Variants in PCDHA4 observed in about 807,000 individuals in gnomAD.
The protein encoded by PCDHA4 is protocadherin alpha 4.
A neutral mutation model predicts 61.4 loss-of-function variants in PCDHA4; 49 were observed. That is an observed-to-expected ratio of 0.80 (90% CI 0.63 to 1.01). PCDHA4 has a LOEUF of 1.01. Among genes scored for constraint, PCDHA4 ranks in the 50% least tolerant of loss-of-function variants. The pLI is 0.00. For synonymous variants in PCDHA4, 590 were observed against 550.3 expected (o/e 1.07, Z -1.01); for missense variants, 1,254 against 1,235.8 (o/e 1.01, Z -0.22).
chr5:140,918,511 C>G (rs574083461), intron 1 of PCDHA4, among the ~76,000 whole-genome samples: 1 of 152,144 alleles, frequency 6.6e-6, no homozygotes, highest in African/African-American at 2.4e-5. Flanking sequence ...TCCTTTTAAA[C>G]TTATTGAGGA....
chr5:140,850,741 C>A, intron 1 of PCDHA4: 1 of 1,597,822 alleles, frequency 6.3e-7, no homozygotes, highest in Non-Finnish European at 8.6e-7. Context: ...GGGAGTTGGT[C>A]GTACTCGCAG....
Position 140,849,759 on chromosome 5 carries a change from G to A in PCDHA4, c.2385+40187G>A, listed in dbSNP as rs140660802. On this transcript the variant is annotated intron_variant, in intron 1 of 3. Coordinates refer to ENST00000530339, the MANE Select transcript of PCDHA4 (RefSeq NM_018907.4). Reference sequence around the variant, plus strand: ...GGACCGCGAGAGTGTGTCCGCCTACGAGCTGGTGGTTACCGCGCGGGACGG... The same window carrying A: ...GGACCGCGAGAGTGTGTCCGCCTACAAGCTGGTGGTTACCGCGCGGGACGG... The A allele has an allele frequency of 1.8e-5, 29 of 1,598,444 alleles. 5 individuals are homozygous for A. The Admixed American group carries it at 3.9e-4, about 21-fold the overall frequency.
rs2150153849 is a variant in PCDHA4 at position 140,828,310 on chromosome 5, C to T, written c.2385+18738C>T. Reference sequence around the variant, plus strand: ...GGATGGCCTCCAAAGACCGCGAGGACCTTCTGGAGGTAAATCTGCAGAATG... The same window carrying T: ...GGATGGCCTCCAAAGACCGCGAGGATCTTCTGGAGGTAAATCTGCAGAATG... On this transcript the variant is annotated intron_variant, in intron 1 of 3. Coordinates refer to ENST00000530339, the MANE Select transcript of PCDHA4 (RefSeq NM_018907.4). 5.1e-5 allele frequency: 82 copies of T among 1,614,174 alleles called. 1 individual carries two copies. The South Asian group carries it at 8.1e-4, about 16-fold the overall frequency.
chr5:140,850,629 G>C, intron 1 of PCDHA4: 1 of 1,598,736 alleles, frequency 6.3e-7, no homozygotes, highest in South Asian at 1.1e-5. Flanking sequence ...TAGCCTGTTG[G>C]TTCTCACGCT....
chr5:141,008,430 GC>G (rs1252417058), intron 3 of PCDHA4, among the ~76,000 whole-genome samples: 2 of 152,260 alleles, frequency 1.3e-5, no homozygotes, highest in African/African-American at 4.8e-5. Context: ...GGATCACTTT[GC>G]CCAGACAGAC....
At chr5:140,921,663 T>G (rs1427342485) in intron 1 of PCDHA4, among the ~76,000 whole-genome samples, 1 of 152,144 alleles carries the variant, frequency 6.6e-6, no homozygotes, top group Admixed American at 6.5e-5. Flanking sequence ...TAATAAAAAT[T>G]TAACAGTTAT....
intron 1 of PCDHA4, among the ~76,000 whole-genome samples, chr5:140,916,262 G>C (rs1379588605): frequency 6.6e-6 from 1 of 152,202 alleles, no homozygotes; most frequent in Non-Finnish European, 1.5e-5. Flanking sequence ...GACCCCAAGA[G>C]CATGCTTGTT....
chr5:140,946,807 A>G (rs1333101378), intron 1 of PCDHA4, among the ~76,000 whole-genome samples: 3 of 151,418 alleles, frequency 2.0e-5, no homozygotes, highest in Non-Finnish European at 4.4e-5. Context: ...CAGAGAGTAT[A>G]ACAGTGATTA....
At position 140,927,806 on chromosome 5, in the gene PCDHA4, T is replaced by C. The variant is rs1554205074; in HGVS notation, c.2386-51143T>C. 4 of 1,614,004 alleles carry C rather than the reference T, an allele frequency of 2.5e-6. No individual in the cohort carries two copies. In the African/African-American group the frequency reaches 5.3e-5, roughly 22 times the overall value. On this transcript the variant is annotated intron_variant, in intron 1 of 3. Transcript: ENST00000530339. ...GCTTCACTAGGTCCGCCTGAAACGC[T>C]CTTGGAGGCATACATTGAGGCGAGG...
At chr5:140,831,893 T>C (rs1326674462) in intron 1 of PCDHA4, among the ~76,000 whole-genome samples, 2 of 152,204 alleles carry the variant, frequency 1.3e-5, no homozygotes, top group African/African-American at 4.8e-5. Flanking sequence ...TAACTGTGTT[T>C]GCCAAATAGC....
chr5:140,957,222 G>A (rs537549328), intron 1 of PCDHA4, among the ~76,000 whole-genome samples: 1 of 152,182 alleles, frequency 6.6e-6, no homozygotes, highest in East Asian at 1.9e-4. Context: ...AAAATTTGGC[G>A]AAGCATTTTG....
chr5:140,836,113 TGA>T, intron 1 of PCDHA4: 1 of 1,613,528 alleles, frequency 6.2e-7, no homozygotes, highest in Non-Finnish European at 8.5e-7. Flanking sequence ...GGTGGCGCAG[TGA>T]GAGAGCTTGT....
intron 1 of PCDHA4, chr5:140,841,266 CAG>C (rs1777120353): frequency 6.6e-7 from 1 of 1,522,182 alleles, no homozygotes; most frequent in African/African-American, 1.4e-5. Flanking sequence ...TCTGAAAGTA[CAG>C]TCGTTCATCT....
At chr5:140,873,008 A>G (rs1455373788) in intron 1 of PCDHA4, among the ~76,000 whole-genome samples, 2 of 152,166 alleles carry the variant, frequency 1.3e-5, no homozygotes, top group African/African-American at 4.8e-5. Flanking sequence ...GTCATTCTTC[A>G]TATTTAGTTA....
intron 1 of PCDHA4, among the ~76,000 whole-genome samples, chr5:140,952,726 A>C (rs2094788337): frequency 6.6e-6 from 1 of 152,188 alleles, no homozygotes; most frequent in African/African-American, 2.4e-5. Context: ...TTTCTGTACT[A>C]GTCTTTTCTC....
chr5:140,869,224 C>T, intron 1 of PCDHA4: 1 of 1,613,836 alleles, frequency 6.2e-7, no homozygotes, highest in South Asian at 1.1e-5. Context: ...GGAGGCCAAA[C>T]ACGGCACCTT....
At chr5:140,868,042 C>G (rs1248168990) in intron 1 of PCDHA4, 1 of 151,924 alleles carries the variant, frequency 6.6e-6, no homozygotes, top group Non-Finnish European at 1.5e-5. Context: ...CTTGGAAATA[C>G]CAATATGGCA....
chr5:140,875,497 C>T, intron 1 of PCDHA4: 1 of 1,613,256 alleles, frequency 6.2e-7, no homozygotes, highest in Non-Finnish European at 8.5e-7. Flanking sequence ...ACCAAGAGGC[C>T]CGGGATCCCA....
intron 1 of PCDHA4, chr5:140,823,286 C>A: frequency 1.2e-6 from 2 of 1,612,438 alleles, no homozygotes; most frequent in Non-Finnish European, 8.5e-7. Flanking sequence ...CGCCCGCTGT[C>A]GAGTTACGTT....
Sources: allele counts gnomAD v4.1 joint callset (sites outside exome capture counted in the v4.1 genomes callset), GRCh38; gene constraint gnomAD v4.1.1; transcripts MANE v1.5; gene names NCBI Gene and HGNC (gene_info 2026-07-23, HGNC 2026-07-21).